The following EXO1 variants were observed in gnomAD, a reference collection of about 807,000 sequenced individuals.
EXO1 encodes the protein exonuclease 1.
Under a neutral mutation model 84.5 loss-of-function variants are expected in EXO1, and 69 were observed. The ratio of observed to expected loss-of-function variants is 0.82; its 90% CI spans 0.67 to 1.00. The LOEUF is 1.00. EXO1 is among the 50% of genes least tolerant of loss of function. The probability of loss-of-function intolerance (pLI) is 0.00; values close to 1 mark genes in which losing one functional copy is unlikely to be tolerated. For synonymous variants in EXO1, 373 were observed against 366.1 expected, an observed-to-expected ratio of 1.02 and a Z score of -0.21; for missense variants, 1,045 against 1,000.7, an observed-to-expected ratio of 1.04 and a Z score of -0.60.
chr1:241,863,436 T>C (rs923419472), intron 10 of EXO1, among the ~76,000 whole-genome samples: 2 of 147,294 alleles, frequency 1.4e-5, no homozygotes, highest in Admixed American at 6.8e-5. Flanking sequence ...AAAAAGCGTA[T>C]GTAGAAAAAA....
chr1:241,860,754 T>A, intron 9 of EXO1, 50 bp downstream of exon 9: 3 of 1,474,726 alleles, frequency 2.0e-6, no homozygotes, highest in Non-Finnish European at 2.8e-6. Flanking sequence ...TTCTTCAATA[T>A]TTTTATGGTG....
intron 13 of EXO1, 139 bp downstream of exon 13, chr1:241,879,482 G>C: frequency 1.6e-6 from 1 of 616,732 alleles, no homozygotes. Flanking sequence ...TGTGCAGAAA[G>C]TTCACATTTT....
In EXO1 at chr1:241,852,299, G is replaced by C. The variant is rs766222786; in HGVS notation, c.169G>C (p.Gly57Arg). The part of the protein sequence containing the change: ...AKGEPTDRYV[G>R]FCMKFVNMLL... ...TTTTCTTTTTTTCCATAGGTATGTA[G>C]GATTTTGTATGAAATTTGTAAATAT... Residue 57 changes from glycine (G) to arginine (R), a missense_variant, in exon 5 of 16, where the codon GGA becomes CGA. Gly to Arg is a moderately radical substitution (Grantham distance 125). Transcript: ENST00000366548. 1.2e-6 allele frequency: 2 copies of C among 1,602,880 alleles called. No homozygotes were observed. The highest frequency in any genetic ancestry group is 2.7e-5 in the African/African-American group (2 of 74,692).
rs1662260396 is a variant in EXO1, at chr1:241,874,056, G to T, written c.1514+1778G>T. Among the ~76,000 whole-genome samples the T allele has an allele frequency of 2.6e-5, 4 of 152,152 alleles. 1 individual carries two copies. In the South Asian group the frequency reaches 8.3e-4, roughly 32 times the overall value. ...ATAGGCAGGAGACCATTCACTGAAG[G>T]CTTGTATGCCAACGTGGGAACTTTT... is the stretch of plus-strand genomic sequence containing the variant. On this transcript the variant is annotated intron_variant, in intron 12 of 15. Transcript: ENST00000366548.
intron 12 of EXO1, among the ~76,000 whole-genome samples, chr1:241,877,043 C>G (rs1366219732): frequency 2.6e-5 from 4 of 152,212 alleles, no homozygotes; most frequent in Non-Finnish European, 1.5e-5. Context: ...ATTACCACTC[C>G]TCTCCTTTTA....
chr1:241,882,090 A>G (rs980253812), intron 14 of EXO1, 73 bp downstream of exon 14: 19 of 744,240 alleles, frequency 2.6e-5, no homozygotes, highest in Non-Finnish European at 4.4e-5. Flanking sequence ...TGAGAAATAC[A>G]AGCAGAATTA....
rs753212396 is a variant in EXO1, at chr1:241,879,305, A to C, written c.2071A>C (p.Lys691Gln). 3.7e-6 allele frequency: 6 copies of C among 1,605,536 alleles called. No individual in the cohort carries two copies. The Middle Eastern group carries it at 5.0e-4, about 134-fold the overall frequency. Residue 691 changes from lysine to glutamine, a missense_variant, in exon 13 of 16, where the codon AAG becomes CAG. Physicochemically the swap from Lys to Gln is moderately conservative, Grantham distance 53. Transcript: ENST00000366548. Reference protein sequence around the residue: ...EFSLQSSNASKLSQCSSKDSD... With the variant: ...EFSLQSSNASQLSQCSSKDSD... ...CTCACTGCAGAGTTCAAATGCATCAAAGCTTTCTCAGTGCTCTAGTAAGGA... is the reference window on the plus strand; with the variant it reads ...CTCACTGCAGAGTTCAAATGCATCACAGCTTTCTCAGTGCTCTAGTAAGGA...
intron 9 of EXO1, among the ~76,000 whole-genome samples, chr1:241,861,101 T>C (rs1457358091): frequency 2.0e-5 from 3 of 152,192 alleles, no homozygotes; most frequent in Admixed American, 2.0e-4. Context: ...GCCATGTACA[T>C]GCAGGCTGAT....
chr1:241,883,060 A>G (rs769000172), intron 14 of EXO1, among the ~76,000 whole-genome samples: 2 of 152,204 alleles, frequency 1.3e-5, no homozygotes, highest in Non-Finnish European at 2.9e-5. Flanking sequence ...TTAAATAATC[A>G]TTGGTTTTAG....
At chr1:241,856,552 A>G (rs1661053279) in intron 6 of EXO1, among the ~76,000 whole-genome samples, 1 of 152,128 alleles carries the variant, frequency 6.6e-6, no homozygotes, top group Admixed American at 6.5e-5. Flanking sequence ...ATACCTACGT[A>G]TATATTTTCC....
At chr1:241,863,877 C>T (rs1342473982) in intron 10 of EXO1, among the ~76,000 whole-genome samples, 1 of 152,216 alleles carries the variant, frequency 6.6e-6, no homozygotes, top group Non-Finnish European at 1.5e-5. Flanking sequence ...TAGTGGACAG[C>T]ACAGAGCTTT....
intron 11 of EXO1, among the ~76,000 whole-genome samples, chr1:241,870,043 C>G (rs1662001611): frequency 6.6e-6 from 1 of 152,142 alleles, no homozygotes; most frequent in African/African-American, 2.4e-5. Flanking sequence ...AACTCCTGAC[C>G]TCGTGATCCA....
chr1:241,849,571 C>T (rs1660536257), intron 3 of EXO1, among the ~76,000 whole-genome samples: 1 of 152,242 alleles, frequency 6.6e-6, no homozygotes, highest in African/African-American at 2.4e-5. Flanking sequence ...CCAGAATGTT[C>T]GTGCTTAGAA....
At chr1:241,867,318 G>A (rs2148460406) in intron 11 of EXO1, among the ~76,000 whole-genome samples, 1 of 152,250 alleles carries the variant, frequency 6.6e-6, no homozygotes, top group African/African-American at 2.4e-5. Context: ...TCACATGGTA[G>A]CAAACGAGAA....
chr1:241,857,747 A>G (rs952767904), intron 7 of EXO1, among the ~76,000 whole-genome samples: 1 of 152,102 alleles, frequency 6.6e-6, no homozygotes, highest in South Asian at 2.1e-4. Context: ...TTTTCAAAGT[A>G]AGCCCTTAAG....
At position 241,864,808 on chromosome 1, in the gene EXO1, AAAG is replaced by A. The variant is rs1256939733; in HGVS notation, c.1042-2018_1042-2016del. On this transcript the variant is annotated intron_variant, in intron 10 of 15. Transcript: ENST00000366548. ...TTATTGTTTTGAGGAATGATTATGG[AAAG>A]AAGGAGACTGAAAAGTGCTATCTTT... 2.0e-5 allele frequency among the ~76,000 whole-genome samples: 3 copies of A among 151,860 alleles called. No individual in the cohort carries two copies. The South Asian group carries it at 6.2e-4, about 32-fold the overall frequency.
intron 6 of EXO1, among the ~76,000 whole-genome samples, chr1:241,856,478 C>T (rs1368877858): frequency 6.6e-6 from 1 of 151,694 alleles, no homozygotes; most frequent in Admixed American, 6.6e-5. Context: ...ATGTAAGATA[C>T]ATTATTAGAG....
rs949059396 is a variant in EXO1 at position 241,856,835 on chromosome 1, A to C, written c.406-510A>C. ...CACTTGAGTCCAGGAGTTTGAGACC[A>C]GCCTAGACAACATGGCAAAACCTTG... On this transcript the variant is annotated intron_variant, in intron 6 of 15. Coordinates refer to ENST00000366548, the MANE Select transcript of EXO1 (RefSeq NM_130398.4). 2.0e-5 allele frequency among the ~76,000 whole-genome samples: 3 copies of C among 152,358 alleles called. No individual in the cohort carries two copies. In the East Asian group the frequency reaches 5.8e-4, roughly 29 times the overall value.
At chr1:241,860,240 T>C (rs970179366) in intron 8 of EXO1, among the ~76,000 whole-genome samples, 3 of 152,186 alleles carry the variant, frequency 2.0e-5, no homozygotes, top group Non-Finnish European at 4.4e-5. Flanking sequence ...GGATAATGTA[T>C]CTCAAAGTTA....
Sources: allele counts gnomAD v4.1 joint callset (sites outside exome capture counted in the v4.1 genomes callset), GRCh38; gene constraint gnomAD v4.1.1; transcripts MANE v1.5; gene names NCBI Gene and HGNC (gene_info 2026-07-23, HGNC 2026-07-21).